The following RFX4 variants were observed in gnomAD, a reference collection of about 807,000 sequenced individuals.
RFX4 encodes transcription factor RFX4.
RFX4 carries 10 observed loss-of-function variants against 95.0 expected under a neutral mutation model. The observed-to-expected ratio is 0.11, with a 90% CI of 0.06 to 0.18. The LOEUF (loss-of-function observed/expected upper bound fraction) is 0.18. RFX4 is among the 10% of genes least tolerant of loss of function. RFX4 has a pLI of 1.00. For missense variants in RFX4, 640 were observed against 922.0 expected, an observed-to-expected ratio of 0.69 and a Z score of 3.96; for synonymous variants, 321 against 340.7, an observed-to-expected ratio of 0.94 and a Z score of 0.64.
At position 106,583,018 on chromosome 12, in the gene RFX4, G is replaced by T. The variant is rs1209565721; in HGVS notation, c.-303G>T. 5 of 352,294 alleles carry T rather than the reference G, an allele frequency of 1.4e-5. No homozygotes were observed. The highest frequency in any genetic ancestry group is 2.5e-5 in the Non-Finnish European group (5 of 196,914). 21.8% of individuals were successfully genotyped at this position (352,294 alleles called of 1,614,324 possible). A position where few individuals can be genotyped will look rare whatever the true frequency, so the allele number is the denominator to read the frequency against. On this transcript the variant is annotated 5_prime_UTR_variant, in exon 1 of 18. Transcript: ENST00000392842. ...ATGAAACATCCGCAAACATTTTGAC[G>T]GGTTTGGCTTTGCCCGGCTGGATTA...
intron 4 of RFX4, among the ~76,000 whole-genome samples, chr12:106,671,355 T>A (rs576082931): frequency 5.5e-4 from 84 of 152,238 alleles, no homozygotes; most frequent in African/African-American, 1.9e-3. Context: ...GGCTGTATTA[T>A]GTAGAGTGAT....
chr12:106,625,584 C>T (rs146575976), intron 2 of RFX4, among the ~76,000 whole-genome samples: 18 of 152,274 alleles, frequency 1.2e-4, no homozygotes, highest in Non-Finnish European at 2.4e-4. Flanking sequence ...ACTGTTGGAG[C>T]ATCATATACA....
chr12:106,726,434 T>C (rs2042499236), intron 13 of RFX4, among the ~76,000 whole-genome samples: 4 of 152,164 alleles, frequency 2.6e-5, no homozygotes, highest in African/African-American at 9.7e-5. Flanking sequence ...GAAATGATTG[T>C]ATTCTTTTAG....
At chr12:106,636,532 G>A (rs1022321582) in intron 2 of RFX4, among the ~76,000 whole-genome samples, 1 of 152,114 alleles carries the variant, frequency 6.6e-6, no homozygotes, top group Admixed American at 6.5e-5. Context: ...TATCAAGGAA[G>A]GCTTCAAAGA....
rs1024529640 is a variant in RFX4, at chr12:106,690,768, C to A, written c.669+1404C>A. On this transcript the variant is annotated intron_variant, in intron 7 of 17. Transcript: ENST00000392842. ...GACGGGAGCTGGTCCCACGGCCCCA[C>A]CTTAATGCAGCGGGGGCTGGGGAGT... 1.3e-5 allele frequency among the ~76,000 whole-genome samples: 2 copies of A among 152,216 alleles called. 1 individual carries two copies. Among genetic ancestry groups the A allele is most frequent in the South Asian group, 4.1e-4 (2 of 4,832 alleles).
In RFX4 at chr12:106,618,018, C is replaced by T. The variant is rs940872968; in HGVS notation, c.130+9135C>T. The stretch of plus-strand genomic sequence containing the variant: ...TTGAGATTACAGGTGTGAGCCACCA[C>T]GCCCAGCTGAATGTATATTTTAAAT... On this transcript the variant is annotated intron_variant, in intron 2 of 17. Transcript: ENST00000392842. 5.7e-4 allele frequency among the ~76,000 whole-genome samples: 86 copies of T among 151,972 alleles called. 6 individuals are homozygous for T. The highest frequency in any genetic ancestry group is 1.3e-4 in the Non-Finnish European group (9 of 68,000).
chr12:106,626,110 C>T (rs1321950309), intron 2 of RFX4, among the ~76,000 whole-genome samples: 3 of 152,214 alleles, frequency 2.0e-5, no homozygotes, highest in African/African-American at 7.2e-5. Flanking sequence ...GTACTTAAGA[C>T]CTTGCCACAC....
intron 1 of RFX4, 85 bp from the exon 2 acceptor site, chr12:106,608,712 T>C: frequency 8.2e-7 from 1 of 1,217,496 alleles, no homozygotes; most frequent in Non-Finnish European, 1.1e-6. Flanking sequence ...TATGATGTTC[T>C]GTCTCTTCAC....
At chr12:106,696,948 G>A (rs1196178094) in intron 8 of RFX4, among the ~76,000 whole-genome samples, 1 of 152,152 alleles carries the variant, frequency 6.6e-6, no homozygotes, top group Non-Finnish European at 1.5e-5. Context: ...GCTGCCTTCT[G>A]CTGGGGCCAG....
intron 2 of RFX4, among the ~76,000 whole-genome samples, chr12:106,610,661 C>T (rs76247850): frequency 1.3e-5 from 2 of 152,246 alleles, no homozygotes; most frequent in African/African-American, 2.4e-5. Flanking sequence ...TTTTGAAGGC[C>T]GAATAATATT....
intron 11 of RFX4, among the ~76,000 whole-genome samples, chr12:106,717,460 G>T (rs944536690): frequency 1.3e-5 from 2 of 152,234 alleles, no homozygotes; most frequent in African/African-American, 4.8e-5. Context: ...TCTCAAGAAA[G>T]AACCTTCTGT....
chr12:106,634,501 G>A (rs1007247166), intron 2 of RFX4, among the ~76,000 whole-genome samples: 3 of 152,132 alleles, frequency 2.0e-5, no homozygotes, highest in Admixed American at 6.6e-5. Context: ...AACCTTTTGA[G>A]GTAGGGATTA....
At chr12:106,583,504 A>G in intron 1 of RFX4, 141 bp downstream of exon 1, 1 of 714,836 alleles carries the variant, frequency 1.4e-6, no homozygotes. Context: ...AGCTTGCAGA[A>G]GTTTTCAATT....
At chr12:106,734,452 C>T (rs771941797) in intron 15 of RFX4, among the ~76,000 whole-genome samples, 10 of 151,708 alleles carry the variant, frequency 6.6e-5, no homozygotes, top group African/African-American at 1.5e-4. Context: ...AAAAATTAGC[C>T]GGGCATGGTA....
intron 3 of RFX4, among the ~76,000 whole-genome samples, chr12:106,640,538 G>A (rs560684074): frequency 1.7e-4 from 26 of 152,298 alleles, no homozygotes; most frequent in African/African-American, 5.8e-4. Context: ...GTTTTCAAGA[G>A]CTCTATTTCC....
chr12:106,749,185 G>A (rs548263090), intron 16 of RFX4, among the ~76,000 whole-genome samples: 5 of 151,748 alleles, frequency 3.3e-5, no homozygotes, highest in Admixed American at 6.6e-5. Context: ...GAACCCAGGA[G>A]GCGGAGGTTG....
At chr12:106,697,559 C>T (rs939645368) in intron 8 of RFX4, among the ~76,000 whole-genome samples, 2 of 151,850 alleles carry the variant, frequency 1.3e-5, no homozygotes, top group East Asian at 3.9e-4. Context: ...TCCCACACTT[C>T]TGGAGGCCAG....
intron 1 of RFX4, among the ~76,000 whole-genome samples, chr12:106,603,744 C>A (rs1463099758): frequency 6.6e-6 from 1 of 152,228 alleles, no homozygotes; most frequent in African/African-American, 2.4e-5. Context: ...AGTATTGCAG[C>A]ATTGATCACA....
rs147974101 is a variant in RFX4 at position 106,623,814 on chromosome 12, G to A, written c.130+14931G>A. Reference sequence around the variant, plus strand: ...AAACAAAAATCCAGCAGAATGCTTTGGATTGTAAGAGACAGAAACCTGATG... The same window carrying A: ...AAACAAAAATCCAGCAGAATGCTTTAGATTGTAAGAGACAGAAACCTGATG... On this transcript the variant is annotated intron_variant, in intron 2 of 17. Transcript: ENST00000392842. Among the ~76,000 whole-genome samples, 6 of 152,256 alleles carry A rather than the reference G, an allele frequency of 3.9e-5. No individual in the cohort carries two copies. In the East Asian group the frequency reaches 9.6e-4, roughly 24 times the overall value.
Sources: allele counts gnomAD v4.1 joint callset (sites outside exome capture counted in the v4.1 genomes callset), GRCh38; gene constraint gnomAD v4.1.1; transcripts MANE v1.5; gene names NCBI Gene and HGNC (gene_info 2026-07-23, HGNC 2026-07-21).